Variants in NUP62CL observed in about 807,000 individuals in gnomAD.
The protein encoded by NUP62CL is nucleoporin-62 C-terminal-like protein.
Under a neutral mutation model 15.3 loss-of-function variants are expected in NUP62CL, and 13 were observed. The ratio of observed to expected loss-of-function variants is 0.85; its 90% CI spans 0.55 to 1.35. The LOEUF (loss-of-function observed/expected upper bound fraction) is 1.35. NUP62CL is among the 40% of genes most tolerant of loss of function. NUP62CL has a pLI of 0.00. For synonymous variants in NUP62CL, 54 were observed against 49.2 expected, an observed-to-expected ratio of 1.10 and a Z score of -0.41; for missense variants, 123 against 130.6, an observed-to-expected ratio of 0.94 and a Z score of 0.28.
At chrX:107,200,573 C>A (rs1927456426) in intron 1 of NUP62CL, among the ~76,000 whole-genome samples, 2 of 105,993 alleles carry the variant, frequency 1.9e-5, no homozygotes, top group African/African-American at 6.9e-5. Context: ...GAGCCGAGAT[C>A]GCGCCACTGC....
chrX:107,126,063 A>C (rs1372328711), intron 8 of NUP62CL, among the ~76,000 whole-genome samples: 1 of 112,128 alleles, frequency 8.9e-6, no homozygotes, highest in Non-Finnish European at 1.9e-5. Flanking sequence ...AATATGGCAT[A>C]CACATATTGA....
chrX:107,184,926 A>G (rs190833634), intron 2 of NUP62CL, among the ~76,000 whole-genome samples: 119 of 111,795 alleles, frequency 1.1e-3, no homozygotes, highest in African/African-American at 3.8e-3. Flanking sequence ...AGCAAGAAAG[A>G]AGTAGCCCAA....
chrX:107,203,455 AGGCT>A, intron 1 of NUP62CL, among the ~76,000 whole-genome samples: 1 of 109,604 alleles, frequency 9.1e-6, no homozygotes. Flanking sequence ...TGTGTTACCC[AGGCT>A]GGTCTTGAAC....
intron 8 of NUP62CL, among the ~76,000 whole-genome samples, chrX:107,135,290 A>G (rs1364713535): frequency 3.6e-5 from 4 of 112,131 alleles, no homozygotes. Flanking sequence ...GAAAAAAAAG[A>G]AAAAAGAAAA....
At chrX:107,175,656 T>C (rs759839602) in intron 2 of NUP62CL, among the ~76,000 whole-genome samples, 3 of 111,787 alleles carry the variant, frequency 2.7e-5, no homozygotes, top group Non-Finnish European at 5.6e-5. Flanking sequence ...ACAGTGACAG[T>C]CAATGGCATA....
At chrX:107,189,978 T>A (rs1927201403) in intron 2 of NUP62CL, among the ~76,000 whole-genome samples, 1 of 109,504 alleles carries the variant, frequency 9.1e-6, no homozygotes, top group African/African-American at 3.3e-5. Flanking sequence ...TGGATGAATC[T>A]CCAGAAAATT....
At chrX:107,175,349 T>C (rs985887861) in intron 2 of NUP62CL, among the ~76,000 whole-genome samples, 156 bp from the exon 3 acceptor site, 7 of 112,160 alleles carry the variant, frequency 6.2e-5, no homozygotes, top group Admixed American at 1.9e-4. Flanking sequence ...GAGTAAAAGC[T>C]TGATTTAAAA....
At chrX:107,185,632 T>A (rs1927042983) in intron 2 of NUP62CL, among the ~76,000 whole-genome samples, 1 of 110,754 alleles carries the variant, frequency 9.0e-6, no homozygotes, top group African/African-American at 3.3e-5. Context: ...AAAATGGAAT[T>A]CTAAAAAATG....
chrX:107,130,688 A>G (rs1357873326), intron 8 of NUP62CL, among the ~76,000 whole-genome samples: 2 of 111,707 alleles, frequency 1.8e-5, no homozygotes, highest in East Asian at 5.6e-4. Flanking sequence ...TCTGGCAGAG[A>G]TGAATCAAAG....
intron 8 of NUP62CL, among the ~76,000 whole-genome samples, chrX:107,129,685 C>T (rs2036306752): frequency 8.9e-6 from 1 of 111,857 alleles, no homozygotes; most frequent in South Asian, 3.7e-4. Context: ...TAACAAGCCC[C>T]ACCTACAAAA....
At chrX:107,174,031 C>T (rs1490973502) in intron 3 of NUP62CL, among the ~76,000 whole-genome samples, 2 of 100,144 alleles carry the variant, frequency 2.0e-5, no homozygotes, top group Non-Finnish European at 4.0e-5. Context: ...TCTTTTTTTT[C>T]TTTCTTTCTC....
intron 8 of NUP62CL, among the ~76,000 whole-genome samples, chrX:107,129,930 A>C (rs1925473289): frequency 8.9e-6 from 1 of 112,188 alleles, no homozygotes; most frequent in South Asian, 3.7e-4. Flanking sequence ...ATATATAATC[A>C]TAAAACAACA....
Position 107,168,100 on chromosome X carries a change from C to T in NUP62CL, c.59-316G>A, listed in dbSNP as rs1926558190. 6.3e-5 allele frequency among the ~76,000 whole-genome samples: 7 copies of T among 111,574 alleles called. No homozygotes were observed. The South Asian group carries it at 2.6e-3, about 42-fold the overall frequency. The stretch of plus-strand genomic sequence containing the variant: ...GAAACTCCAGTCCCAGATGCCACTG[C>T]TGGTAAGTTTTATGAAACTTTCAAG... On this transcript the variant is annotated intron_variant, in intron 3 of 8. Coordinates refer to ENST00000372466, the MANE Select transcript of NUP62CL (RefSeq NM_017681.3).
chrX:107,128,787 A>G (rs1271543086), intron 8 of NUP62CL, among the ~76,000 whole-genome samples: 1 of 112,095 alleles, frequency 8.9e-6, no homozygotes, highest in East Asian at 2.8e-4. Context: ...AGGCGTTTAG[A>G]AAACCATAAA....
chrX:107,160,766 C>A (rs1167186318), intron 4 of NUP62CL, among the ~76,000 whole-genome samples: 2 of 111,033 alleles, frequency 1.8e-5, no homozygotes, highest in Admixed American at 9.5e-5. Flanking sequence ...GCAACCAAAG[C>A]CAAAATTGAC....
rs1040190189 is a variant in NUP62CL, at chrX:107,206,371, G to C, written c.-190C>G. 9.1e-6 allele frequency: 1 copy of C among 110,235 alleles called. No homozygotes were observed. Among genetic ancestry groups the C allele is most frequent in the Non-Finnish European group, 1.9e-5 (1 of 52,697 alleles). The allele number at this position is 110,235 out of a possible 1,213,427, so 9.1% of individuals were successfully genotyped here. A position where few individuals can be genotyped will look rare whatever the true frequency, so the allele number is the denominator to read the frequency against. On this transcript the variant is annotated 5_prime_UTR_variant, in exon 1 of 9. Transcript: ENST00000372466. ...CAGAGGGGCGGGTCCGGACCTGCTC[G>C]AGCCGGAAAGAATCGGCCTCCTTAG...
intron 3 of NUP62CL, among the ~76,000 whole-genome samples, chrX:107,174,178 G>T (rs1383228793): frequency 3.2e-5 from 3 of 93,297 alleles, no homozygotes; most frequent in Non-Finnish European, 4.2e-5. Context: ...GTTTGACAGG[G>T]TGTTACTCCG....
At chrX:107,160,700 C>A (rs1281582073) in intron 4 of NUP62CL, among the ~76,000 whole-genome samples, 2 of 110,668 alleles carry the variant, frequency 1.8e-5, no homozygotes, top group Non-Finnish European at 3.8e-5. Context: ...CTAGGCATTA[C>A]CATTCAGGAC....
At chrX:107,124,388 A>G in intron 8 of NUP62CL, 56 bp from the exon 9 acceptor site, 1 of 335,482 alleles carries the variant, frequency 3.0e-6, no homozygotes, top group Non-Finnish European at 5.9e-6. Flanking sequence ...TCCCATGAAC[A>G]TAATTTACGT....
Sources: gnomAD v4.1 joint callset for allele counts (sites outside exome capture counted in the v4.1 genomes callset) on GRCh38, gnomAD v4.1.1 for gene constraint, MANE v1.5 for transcripts, NCBI Gene and HGNC (gene_info 2026-07-23, HGNC 2026-07-21) for gene names.